Variants in SGCZ observed in about 807,000 individuals in gnomAD.
SGCZ encodes zeta-sarcoglycan.
SGCZ carries 40 observed loss-of-function variants against 41.3 expected under a neutral mutation model. The observed-to-expected ratio is 0.97, with a 90% confidence interval of 0.75 to 1.26. SGCZ has a LOEUF of 1.26. Among genes scored for constraint, SGCZ ranks in the 50% most tolerant of loss-of-function variants. The pLI, the probability that SGCZ is intolerant of heterozygous loss-of-function variation, is 0.00. For synonymous variants in SGCZ, 206 were observed against 137.5 expected, an observed-to-expected ratio of 1.50 and a Z score of -3.49; for missense variants, 552 against 369.8, an observed-to-expected ratio of 1.49 and a Z score of -4.04.
intron 3 of SGCZ, among the ~76,000 whole-genome samples, chr8:14,289,571 G>A (rs1800769847): frequency 6.6e-6 from 1 of 152,010 alleles, no homozygotes; most frequent in Non-Finnish European, 1.5e-5. Flanking sequence ...AAACTCAACT[G>A]ACCATTGGTC....
chr8:15,044,719 A>T (rs1336966585), intron 1 of SGCZ, among the ~76,000 whole-genome samples: 1 of 151,980 alleles, frequency 6.6e-6, no homozygotes, highest in Non-Finnish European at 1.5e-5. Flanking sequence ...GTTAATTAGG[A>T]GTTAATGATG....
chr8:14,261,065 T>C (rs565898587), intron 3 of SGCZ, among the ~76,000 whole-genome samples: 1 of 151,854 alleles, frequency 6.6e-6, no homozygotes, highest in Non-Finnish European at 1.5e-5. Flanking sequence ...ACCTGCCCAA[T>C]GTGCACATGT....
chr8:14,573,092 A>G (rs887580803), intron 1 of SGCZ, among the ~76,000 whole-genome samples: 18 of 151,552 alleles, frequency 1.2e-4, no homozygotes, highest in Admixed American at 3.9e-4. Flanking sequence ...GGTAGTTATT[A>G]TATGTGGCAA....
chr8:14,517,156 A>C (rs1585621561), intron 2 of SGCZ, among the ~76,000 whole-genome samples: 1 of 152,066 alleles, frequency 6.6e-6, no homozygotes, highest in East Asian at 1.9e-4. Flanking sequence ...TCAGATCATC[A>C]CAGAAATAAA....
At chr8:14,463,124 T>G (rs1800949338) in intron 2 of SGCZ, among the ~76,000 whole-genome samples, 1 of 151,668 alleles carries the variant, frequency 6.6e-6, no homozygotes, top group Non-Finnish European at 1.5e-5. Context: ...TCATATTATC[T>G]GCAAAAAGAT....
At chr8:14,452,100 T>C (rs367977614) in intron 2 of SGCZ, among the ~76,000 whole-genome samples, 1 of 152,182 alleles carries the variant, frequency 6.6e-6, no homozygotes, top group African/African-American at 2.4e-5. Context: ...AGTAGATGAG[T>C]GGATACACAG....
At chr8:14,681,962 T>C (rs1041480224) in intron 1 of SGCZ, among the ~76,000 whole-genome samples, 7 of 151,982 alleles carry the variant, frequency 4.6e-5, no homozygotes, top group African/African-American at 1.7e-4. Context: ...AAATAATCCA[T>C]AATAATAATG....
At chr8:14,237,994 C>T (rs181070030) in intron 3 of SGCZ, among the ~76,000 whole-genome samples, 1 of 152,308 alleles carries the variant, frequency 6.6e-6, no homozygotes, top group East Asian at 1.9e-4. Context: ...TCTATGCCTG[C>T]CTGTGCAGAT....
intron 1 of SGCZ, among the ~76,000 whole-genome samples, chr8:14,960,196 T>C (rs1800917952): frequency 6.6e-6 from 1 of 152,162 alleles, no homozygotes; most frequent in Admixed American, 6.6e-5. Flanking sequence ...TGAGGGTGAA[T>C]GCAATATTTT....
chr8:15,115,588 T>C (rs78856608), intron 1 of SGCZ, among the ~76,000 whole-genome samples: 1,808 of 152,320 alleles, frequency 0.012, 35 homozygotes, highest in African/African-American at 0.042. Context: ...AAGACAAATA[T>C]GGGCTGTATC....
At position 14,424,407 on chromosome 8, in the gene SGCZ, A is replaced by G. The variant is rs529250960; in HGVS notation, c.235-100203T>C. Among the ~76,000 whole-genome samples, 15 of 152,328 alleles carry G rather than the reference A, an allele frequency of 9.8e-5. No individual in the cohort carries two copies. The South Asian group carries it at 3.1e-3, about 32-fold the overall frequency. On this transcript the variant is annotated intron_variant, in intron 2 of 7. Transcript: ENST00000382080. ...ACACTACATAAACATTGGGTCTTCCATCTATGTGCTAATTAGAAATTAAAC... is the reference window on the plus strand; with the variant it reads ...ACACTACATAAACATTGGGTCTTCCGTCTATGTGCTAATTAGAAATTAAAC...
intron 1 of SGCZ, among the ~76,000 whole-genome samples, chr8:14,859,327 A>T (rs1200009327): frequency 6.6e-6 from 1 of 152,100 alleles, no homozygotes; most frequent in African/African-American, 2.4e-5. Context: ...GGGACCATTC[A>T]TTTGATTCAC....
intron 3 of SGCZ, among the ~76,000 whole-genome samples, chr8:14,238,968 TG>T (rs1264368676): frequency 6.6e-6 from 1 of 151,720 alleles, no homozygotes; most frequent in Non-Finnish European, 1.5e-5. Flanking sequence ...GAGATATATA[TG>T]TATATATATA....
intron 1 of SGCZ, among the ~76,000 whole-genome samples, chr8:14,697,889 T>C (rs1228399001): frequency 2.0e-5 from 3 of 152,016 alleles, no homozygotes; most frequent in African/African-American, 7.2e-5. Flanking sequence ...TGCTTTCTGT[T>C]TCCCTCTATT....
chr8:14,989,729 G>C (rs1193958957), intron 1 of SGCZ, among the ~76,000 whole-genome samples: 2 of 152,162 alleles, frequency 1.3e-5, no homozygotes, highest in Admixed American at 6.6e-5. Context: ...GCAGAAATGA[G>C]TGTTCTTTAG....
chr8:14,472,239 C>T (rs1342860903), intron 2 of SGCZ, among the ~76,000 whole-genome samples: 1 of 152,026 alleles, frequency 6.6e-6, no homozygotes, highest in African/African-American at 2.4e-5. Context: ...GATGGAAAAA[C>T]ATGAATCTTG....
At chr8:14,475,901 T>C (rs1039879277) in intron 2 of SGCZ, among the ~76,000 whole-genome samples, 2 of 152,122 alleles carry the variant, frequency 1.3e-5, no homozygotes, top group Non-Finnish European at 2.9e-5. Context: ...AGTGGTGTCA[T>C]CACAGCTCAC....
intron 1 of SGCZ, among the ~76,000 whole-genome samples, chr8:15,212,687 G>T (rs1439188817): frequency 1.3e-5 from 2 of 152,058 alleles, no homozygotes; most frequent in Non-Finnish European, 2.9e-5. Context: ...TGGCATCTTA[G>T]TTAATAGGCT....
intron 1 of SGCZ, among the ~76,000 whole-genome samples, chr8:14,677,822 G>C (rs908771842): frequency 6.6e-6 from 1 of 151,968 alleles, no homozygotes; most frequent in African/African-American, 2.4e-5. Flanking sequence ...TATATGGAGA[G>C]GCAAAAGGCC....
Sources: gnomAD v4.1 joint callset for allele counts (sites outside exome capture counted in the v4.1 genomes callset) on GRCh38, gnomAD v4.1.1 for gene constraint, MANE v1.5 for transcripts, NCBI Gene and HGNC (gene_info 2026-07-23, HGNC 2026-07-21) for gene names.